The following CBL variants were observed in gnomAD, a reference collection of about 807,000 sequenced individuals.
CBL encodes the protein E3 ubiquitin-protein ligase CBL.
CBL carries 45 observed loss-of-function variants against 96.9 expected under a neutral mutation model. The ratio of observed to expected loss-of-function variants is 0.46; its 90% CI spans 0.37 to 0.60. CBL has a LOEUF of 0.60. CBL is among the 20% of genes least tolerant of loss of function. CBL has a pLI of 0.00. For synonymous variants in CBL, 420 were observed against 426.8 expected (o/e 0.98, Z 0.20); for missense variants, 1,024 against 1,143.5 (o/e 0.90, Z 1.51).
intron 1 of CBL, among the ~76,000 whole-genome samples, chr11:119,226,114 AC>A (rs1318614695): frequency 6.6e-6 from 1 of 152,154 alleles, no homozygotes; most frequent in Non-Finnish European, 1.5e-5. Context: ...ATTGTTGGTC[AC>A]CCAATTCTTG....
At chr11:119,250,104 T>G (rs1949660017) in intron 2 of CBL, among the ~76,000 whole-genome samples, 1 of 152,222 alleles carries the variant, frequency 6.6e-6, no homozygotes, top group Admixed American at 6.5e-5. Flanking sequence ...CTTACCTTGT[T>G]CTACACTGGA....
chr11:119,213,575 T>A (rs1949335012), intron 1 of CBL, among the ~76,000 whole-genome samples: 1 of 152,252 alleles, frequency 6.6e-6, no homozygotes, highest in Non-Finnish European at 1.5e-5. Context: ...TTATGGAGCC[T>A]TCTGTAATAG....
At chr11:119,277,970 G>A in intron 7 of CBL, 126 bp downstream of exon 7, 1 of 875,560 alleles carries the variant, frequency 1.1e-6, no homozygotes, top group Non-Finnish European at 1.9e-6. Context: ...GTGTGTATGT[G>A]GTTTCACTTT....
chr11:119,247,009 T>C (rs1949636654), intron 2 of CBL, among the ~76,000 whole-genome samples: 1 of 152,192 alleles, frequency 6.6e-6, no homozygotes, highest in Non-Finnish European at 1.5e-5. Context: ...TTGCTGATGG[T>C]TGTGGATAGA....
At chr11:119,231,914 G>T (rs1174990971) in intron 1 of CBL, among the ~76,000 whole-genome samples, 2 of 151,052 alleles carry the variant, frequency 1.3e-5, no homozygotes, top group Admixed American at 6.6e-5. Context: ...TTTGGGTCTA[G>T]CCTGGGCAAC....
intron 1 of CBL, among the ~76,000 whole-genome samples, chr11:119,224,456 C>G (rs1565857589): frequency 6.6e-6 from 1 of 152,084 alleles, no homozygotes; most frequent in Non-Finnish European, 1.5e-5. Context: ...AAAAGTTAAC[C>G]AGTAATAGCC....
chr11:119,300,414 A>C lies in CBL; in HGVS notation c.*633A>C, dbSNP rs893955377. On this transcript the variant is annotated 3_prime_UTR_variant, in exon 16 of 16. Coordinates refer to ENST00000264033, the MANE Select transcript of CBL (RefSeq NM_005188.4). ...TTCTTTCCCCATCAACTCCTTCCTC[A>C]TCCTTCTTGGTGTTCTGTCATGGGC... is the stretch of plus-strand genomic sequence containing the variant. 5 of 404,636 alleles carry C rather than the reference A, an allele frequency of 1.2e-5. No individual in the cohort carries two copies. The highest frequency in any genetic ancestry group is 6.3e-4 in the Middle Eastern group (1 of 1,596). 25.1% of individuals were successfully genotyped at this position (404,636 alleles called of 1,614,324 possible). A position where few individuals can be genotyped will look rare whatever the true frequency, so the allele number is the denominator to read the frequency against.
Position 119,299,821 on chromosome 11 carries a change from T to G in CBL, c.*40T>G, listed in dbSNP as rs1950089489. 1.9e-6 allele frequency: 3 copies of G among 1,602,926 alleles called. No individual in the cohort carries two copies. Among genetic ancestry groups the G allele is most frequent in the Non-Finnish European group, 2.6e-6 (3 of 1,172,898 alleles). ...GCTGCAGGTTTAGAGGACCAGTGAG[T>G]TGGGAGTTATTACTCAAGTGGCACC... On this transcript the variant is annotated 3_prime_UTR_variant, in exon 16 of 16. Transcript: ENST00000264033.
chr11:119,299,998 A>C lies in CBL; in HGVS notation c.*217A>C. The C allele has an allele frequency of 3.2e-6, 2 of 620,436 alleles. No individual in the cohort carries two copies. The highest frequency in any genetic ancestry group is 5.7e-6 in the Non-Finnish European group (2 of 349,110). 38.4% of individuals were successfully genotyped at this position (620,436 alleles called of 1,614,324 possible). The stretch of plus-strand genomic sequence containing the variant: ...TTTTATGGGTCTTGAGTGCATTTGA[A>C]GGTGTCCTTCAGTTCCCACGTAGAG... On this transcript the variant is annotated 3_prime_UTR_variant, in exon 16 of 16. Transcript: ENST00000264033.
intron 9 of CBL, among the ~76,000 whole-genome samples, chr11:119,281,147 C>T (rs1949930249): frequency 6.6e-6 from 1 of 152,180 alleles, no homozygotes; most frequent in Non-Finnish European, 1.5e-5. Flanking sequence ...CCAGTCTGCT[C>T]CAGTTACTCC....
chr11:119,276,921 C>T (rs1949893281), intron 6 of CBL, among the ~76,000 whole-genome samples: 1 of 152,080 alleles, frequency 6.6e-6, no homozygotes, highest in Admixed American at 6.6e-5. Context: ...AACCTGTAAA[C>T]CTTCTTTGAT....
At chr11:119,273,746 T>C in intron 3 of CBL, 122 bp from the exon 4 acceptor site, 1 of 848,216 alleles carries the variant, frequency 1.2e-6, no homozygotes, top group Admixed American at 2.1e-5. Flanking sequence ...GTATTTTGAA[T>C]TACGAGAATT....
At chr11:119,234,921 G>A (rs1469727276) in intron 2 of CBL, among the ~76,000 whole-genome samples, 2 of 152,190 alleles carry the variant, frequency 1.3e-5, no homozygotes, top group African/African-American at 4.8e-5. Context: ...TTTTAACACA[G>A]TGGCATGAAA....
chr11:119,223,435 GTTATT>G (rs1377899592), intron 1 of CBL, among the ~76,000 whole-genome samples: 1 of 149,700 alleles, frequency 6.7e-6, no homozygotes, highest in African/African-American at 2.4e-5. Context: ...ATTATGTTAT[GTTATT>G]TTATTTTAAG....
intron 2 of CBL, among the ~76,000 whole-genome samples, chr11:119,268,739 A>G (rs1235419443): frequency 6.6e-6 from 1 of 152,244 alleles, no homozygotes; most frequent in Non-Finnish European, 1.5e-5. Context: ...CCAAGAAAGA[A>G]CAAAAGGAAG....
At chr11:119,213,499 A>G (rs1237557809) in intron 1 of CBL, among the ~76,000 whole-genome samples, 2 of 151,960 alleles carry the variant, frequency 1.3e-5, no homozygotes, top group Admixed American at 1.3e-4. Context: ...ATTTATCTTA[A>G]CCTCTCAGGA....
In CBL at chr11:119,271,662, G is replaced by T. The variant is rs114337885; in HGVS notation, c.444-73G>T. Reference sequence around the variant, plus strand: ...AATATTCATGTTAATTATACATCTTGTATGGTGAATTTGGTGCATTTAAAA... The same window carrying T: ...AATATTCATGTTAATTATACATCTTTTATGGTGAATTTGGTGCATTTAAAA... On this transcript the variant is annotated intron_variant, in intron 2 of 15. Coordinates refer to ENST00000264033, the MANE Select transcript of CBL (RefSeq NM_005188.4). 1.6e-3 allele frequency: 1,969 copies of T among 1,216,750 alleles called. 27 individuals are homozygous for T. In the African/African-American group the frequency reaches 0.026, roughly 16 times the overall value. The allele number at this position is 1,216,750 out of a possible 1,614,324, so 75.4% of individuals were successfully genotyped here.
chr11:119,218,136 T>G (rs114015813), intron 1 of CBL, among the ~76,000 whole-genome samples: 2,379 of 152,232 alleles, frequency 0.016, 87 homozygotes, highest in African/African-American at 0.052. Flanking sequence ...GAAAATTATG[T>G]TGACACTTTT....
At chr11:119,291,910 G>A (rs1950029682) in intron 12 of CBL, among the ~76,000 whole-genome samples, 1 of 152,028 alleles carries the variant, frequency 6.6e-6, no homozygotes, top group African/African-American at 2.4e-5. Flanking sequence ...AGGCTGGAAT[G>A]CAATGCTGTG....
Sources: gnomAD v4.1 joint callset for allele counts (sites outside exome capture counted in the v4.1 genomes callset) on GRCh38, gnomAD v4.1.1 for gene constraint, MANE v1.5 for transcripts, NCBI Gene and HGNC (gene_info 2026-07-23, HGNC 2026-07-21) for gene names.